The following C1QTNF3 variants were observed in gnomAD, a reference collection of about 807,000 sequenced individuals.
The protein encoded by C1QTNF3 is C1q and TNF related 3, also known as complement C1q tumor necrosis factor-related protein 3.
In C1QTNF3, 26 loss-of-function variants were observed where a neutral mutation model predicts 32.6. The ratio of observed to expected loss-of-function variants is 0.80; its 90% CI spans 0.58 to 1.11. C1QTNF3 has a LOEUF of 1.11. C1QTNF3 is among the 50% of genes least tolerant of loss of function. The pLI, the probability that C1QTNF3 is intolerant of heterozygous loss-of-function variation, is 0.00. For missense variants in C1QTNF3, 362 were observed against 398.2 expected (o/e 0.91, Z 0.77); for synonymous variants, 155 against 146.0 (o/e 1.06, Z -0.44).
the C1QTNF3 span, among the ~76,000 whole-genome samples, chr5:34,195,629 C>G: frequency 7.9e-5 from 12 of 152,190 alleles, no homozygotes; most frequent in African/African-American, 2.4e-4. Context: ...ATCACGAGGT[C>G]AGGAGATCGA....
the C1QTNF3 span, among the ~76,000 whole-genome samples, chr5:34,201,149 A>G: frequency 8.6e-5 from 13 of 151,760 alleles, no homozygotes; most frequent in African/African-American, 2.7e-4. Flanking sequence ...GATGTATTCA[A>G]TATATATTTT....
intron 4 of C1QTNF3, 135 bp downstream of exon 4, chr5:34,028,615 ATTCT>A (rs1366542550): frequency 2.1e-5 from 15 of 701,570 alleles, no homozygotes; most frequent in Non-Finnish European, 2.1e-6. Context: ...CCTTAATGTC[ATTCT>A]TTATTTCCTA....
the C1QTNF3 span, among the ~76,000 whole-genome samples, chr5:34,174,409 T>C: frequency 1.3e-5 from 2 of 152,166 alleles, no homozygotes; most frequent in Non-Finnish European, 2.9e-5. Context: ...AAAACTGCCA[T>C]CAGGGATGTC....
the C1QTNF3 span, among the ~76,000 whole-genome samples, chr5:34,109,727 A>G: frequency 5.3e-5 from 8 of 152,272 alleles, no homozygotes; most frequent in Non-Finnish European, 1.2e-4. Context: ...AGAGACATCC[A>G]GGTTCAAATT....
At chr5:34,102,162 A>T in the C1QTNF3 span, among the ~76,000 whole-genome samples, 1 of 151,632 alleles carries the variant, frequency 6.6e-6, no homozygotes, top group East Asian at 1.9e-4. Context: ...CCTATCAGAA[A>T]ATCTCAGTGT....
In C1QTNF3 at chr5:34,017,931, A is replaced by G. The variant is rs992492012; in HGVS notation, c.*2652T>C. On this transcript the variant is annotated 3_prime_UTR_variant, in exon 6 of 6. Transcript: ENST00000382065. ...TATTATTTGTAATAAAAAAAAAATA[A>G]TATTTTCCAAAACAGGAAAGTTAAA... Among the ~76,000 whole-genome samples, 5 of 151,928 alleles carry G rather than the reference A, an allele frequency of 3.3e-5. No homozygotes were observed. The highest frequency in any genetic ancestry group is 5.9e-5 in the Non-Finnish European group (4 of 68,002).
At chr5:34,236,357 C>G in the C1QTNF3 span, among the ~76,000 whole-genome samples, 1 of 150,296 alleles carries the variant, frequency 6.7e-6, no homozygotes, top group Admixed American at 6.7e-5. Flanking sequence ...CATCACTGCA[C>G]TCCAGCCTGG....
rs905647643 is a variant in C1QTNF3 at position 34,040,461 on chromosome 5, A to C, written c.303+2362T>G. Among the ~76,000 whole-genome samples, 3 of 152,128 alleles carry C rather than the reference A, an allele frequency of 2.0e-5. No individual in the cohort carries two copies. The East Asian group carries it at 5.8e-4, about 29-fold the overall frequency. ...GGAGGGAGAAATGGGTATCCGGGAG[A>C]AGGAGGGGAGATTGACAAAGGTGAA... On this transcript the variant is annotated intron_variant, in intron 1 of 5. Coordinates refer to ENST00000382065, the MANE Select transcript of C1QTNF3 (RefSeq NM_181435.6).
the C1QTNF3 span, among the ~76,000 whole-genome samples, chr5:34,065,707 G>A: frequency 5.3e-5 from 8 of 152,052 alleles, no homozygotes; most frequent in Admixed American, 4.6e-4. Flanking sequence ...TGGAGAGGCT[G>A]CAGAGAATAA....
At chr5:34,136,012 T>G in the C1QTNF3 span, among the ~76,000 whole-genome samples, 2 of 151,886 alleles carry the variant, frequency 1.3e-5, no homozygotes, top group South Asian at 2.1e-4. Context: ...ACTTAAATGT[T>G]AGACCTAAAA....
At chr5:34,082,397 C>A in the C1QTNF3 span, among the ~76,000 whole-genome samples, 1 of 151,590 alleles carries the variant, frequency 6.6e-6, no homozygotes, top group African/African-American at 2.4e-5. Flanking sequence ...GAAGCTCTAT[C>A]TTGGAGAAGC....
chr5:34,138,813 A>G, the C1QTNF3 span, among the ~76,000 whole-genome samples: 1 of 152,142 alleles, frequency 6.6e-6, no homozygotes, highest in Non-Finnish European at 1.5e-5. Flanking sequence ...TCTTGTGTAT[A>G]AAGTCTTCTG....
the C1QTNF3 span, among the ~76,000 whole-genome samples, chr5:34,060,709 G>A: frequency 2.6e-5 from 4 of 152,052 alleles, no homozygotes; most frequent in Non-Finnish European, 5.9e-5. Context: ...CTGTCAGATC[G>A]CTTGAGACTC....
At chr5:34,241,165 CCCACAG>C in the C1QTNF3 span, among the ~76,000 whole-genome samples, 1 of 151,904 alleles carries the variant, frequency 6.6e-6, no homozygotes, top group Non-Finnish European at 1.5e-5. Flanking sequence ...CTACAACAAA[CCCACAG>C]CCAATATAAT....
the C1QTNF3 span, among the ~76,000 whole-genome samples, chr5:34,213,365 T>C: frequency 3.9e-5 from 6 of 152,052 alleles, no homozygotes; most frequent in Admixed American, 1.3e-4. Context: ...CATTTAATGA[T>C]TGCGTAAATA....
At chr5:34,147,892 C>T in the C1QTNF3 span, among the ~76,000 whole-genome samples, 2 of 152,138 alleles carry the variant, frequency 1.3e-5, no homozygotes, top group African/African-American at 2.4e-5. Context: ...GTCTACAGCT[C>T]CCAGCGTGAG....
the C1QTNF3 span, among the ~76,000 whole-genome samples, chr5:34,173,646 CA>C: frequency 1.0e-5 from 1 of 98,964 alleles, no homozygotes; most frequent in South Asian, 4.1e-4. Flanking sequence ...AAAAGCTATT[CA>C]AAAGACATAT....
the C1QTNF3 span, among the ~76,000 whole-genome samples, chr5:34,091,958 C>T: frequency 8.6e-5 from 13 of 151,822 alleles, no homozygotes; most frequent in African/African-American, 2.2e-4. Context: ...CAATTGTTAA[C>T]GTTGACTACA....
chr5:34,061,646 T>A, the C1QTNF3 span, among the ~76,000 whole-genome samples: 1 of 152,212 alleles, frequency 6.6e-6, no homozygotes, highest in East Asian at 1.9e-4. Flanking sequence ...TTGCACCCTC[T>A]GAAGCCATGG....
Sources: gnomAD v4.1 joint callset for allele counts (sites outside exome capture counted in the v4.1 genomes callset) on GRCh38, gnomAD v4.1.1 for gene constraint, MANE v1.5 for transcripts, NCBI Gene and HGNC (gene_info 2026-07-23, HGNC 2026-07-21) for gene names.